The following CNTNAP5 variants were observed in gnomAD, a reference collection of about 807,000 sequenced individuals.
CNTNAP5 encodes the protein contactin associated protein family member 5.
A neutral mutation model predicts 150.2 loss-of-function variants in CNTNAP5; 72 were observed. The ratio of observed to expected loss-of-function variants is 0.48; its 90% CI spans 0.40 to 0.58. CNTNAP5 has a LOEUF of 0.58. Ranked by LOEUF, CNTNAP5 falls within the 20% of genes least tolerant of loss-of-function variation. The pLI, the probability that CNTNAP5 is intolerant of heterozygous loss-of-function variation, is 0.00. For synonymous variants in CNTNAP5, 672 were observed against 619.8 expected, an observed-to-expected ratio of 1.08 and a Z score of -1.25; for missense variants, 1,636 against 1,626.2, an observed-to-expected ratio of 1.01 and a Z score of -0.10.
chr2:124,647,998 G>C (rs1326952268), intron 13 of CNTNAP5, 40 bp downstream of exon 13: 2 of 1,536,464 alleles, frequency 1.3e-6, no homozygotes, highest in East Asian at 2.4e-5. Context: ...GGATAGATGG[G>C]ACCCTCAGAC....
chr2:124,702,144 C>A (rs1024830377), intron 13 of CNTNAP5, among the ~76,000 whole-genome samples: 1 of 151,834 alleles, frequency 6.6e-6, no homozygotes, highest in African/African-American at 2.4e-5. Flanking sequence ...CCTACCAAGG[C>A]TTTGATCCAT....
intron 17 of CNTNAP5, among the ~76,000 whole-genome samples, chr2:124,777,163 TGAA>T (rs1681342784): frequency 6.7e-6 from 1 of 149,952 alleles, no homozygotes; most frequent in Non-Finnish European, 1.5e-5. Context: ...AAAAAAAAGA[TGAA>T]GAACACCTGG....
chr2:124,843,684 G>T (rs549228241), intron 19 of CNTNAP5, among the ~76,000 whole-genome samples: 1 of 151,936 alleles, frequency 6.6e-6, no homozygotes, highest in Admixed American at 6.6e-5. Flanking sequence ...ATTTTTTGAT[G>T]TTTTGATTAT....
intron 3 of CNTNAP5, among the ~76,000 whole-genome samples, chr2:124,398,355 C>A (rs1216908747): frequency 6.6e-6 from 1 of 152,062 alleles, no homozygotes; most frequent in African/African-American, 2.4e-5. Flanking sequence ...GGAATTAGTT[C>A]CCTGTTGCCT....
chr2:124,034,469 A>G (rs1432409515), intron 1 of CNTNAP5, among the ~76,000 whole-genome samples: 1 of 152,212 alleles, frequency 6.6e-6, no homozygotes, highest in African/African-American at 2.4e-5. Context: ...ATGTAAACAG[A>G]CAATGAGTAG....
At chr2:124,235,707 C>G (rs941533837) in intron 2 of CNTNAP5, among the ~76,000 whole-genome samples, 1 of 152,286 alleles carries the variant, frequency 6.6e-6, no homozygotes, top group Non-Finnish European at 1.5e-5. Flanking sequence ...GAAAGCCAAA[C>G]TAAGTCATAC....
intron 19 of CNTNAP5, among the ~76,000 whole-genome samples, chr2:124,808,454 G>A (rs1682128818): frequency 6.6e-6 from 1 of 151,934 alleles, no homozygotes; most frequent in Non-Finnish European, 1.5e-5. Flanking sequence ...CGGGCGTGAT[G>A]GTGCATGCCT....
chr2:124,568,024 T>C (rs147040415), intron 11 of CNTNAP5, among the ~76,000 whole-genome samples: 73 of 152,338 alleles, frequency 4.8e-4, no homozygotes, highest in South Asian at 1.7e-3. Context: ...TGGTAGAAGT[T>C]GGGCTTTAAG....
At chr2:124,624,258 G>A (rs1258001657) in intron 12 of CNTNAP5, among the ~76,000 whole-genome samples, 1 of 152,188 alleles carries the variant, frequency 6.6e-6, no homozygotes, top group Non-Finnish European at 1.5e-5. Context: ...ATTTTAACAG[G>A]CACTTAGAGA....
intron 1 of CNTNAP5, among the ~76,000 whole-genome samples, chr2:124,162,725 T>G (rs1684715087): frequency 6.6e-6 from 1 of 152,206 alleles, no homozygotes; most frequent in Non-Finnish European, 1.5e-5. Context: ...ACACTAATTT[T>G]TGTCTTTTTG....
At chr2:124,650,472 C>T (rs1678298344) in intron 13 of CNTNAP5, among the ~76,000 whole-genome samples, 1 of 152,190 alleles carries the variant, frequency 6.6e-6, no homozygotes, top group Non-Finnish European at 1.5e-5. Flanking sequence ...ATTCAACAGC[C>T]AGCATCCAGG....
intron 3 of CNTNAP5, among the ~76,000 whole-genome samples, chr2:124,261,713 A>G (rs548736883): frequency 6.4e-4 from 97 of 152,204 alleles, no homozygotes; most frequent in Non-Finnish European, 1.0e-3. Flanking sequence ...GCAAGTTACT[A>G]TTTCTGCAGT....
In CNTNAP5 at chr2:124,025,541, G is replaced by A. The variant is rs1366617789; in HGVS notation, c.-110G>A. ...TGAAAGAGCGAGTGCCTCTCCAAGC[G>A]GGGGTGGGAGGGGGTCAGGCTGTGC... On this transcript the variant is annotated 5_prime_UTR_variant, in exon 1 of 24. Coordinates refer to ENST00000682447, the MANE Select transcript of CNTNAP5 (RefSeq NM_001367498.1). 1 of 869,856 alleles carries A rather than the reference G, an allele frequency of 1.1e-6. No individual in the cohort carries two copies. Among genetic ancestry groups the A allele is most frequent in the Non-Finnish European group, 1.9e-6 (1 of 523,142 alleles). The allele number at this position is 869,856 out of a possible 1,614,324, so 53.9% of individuals were successfully genotyped here.
chr2:124,221,373 G>A (rs1268047094), intron 1 of CNTNAP5, among the ~76,000 whole-genome samples: 1 of 152,096 alleles, frequency 6.6e-6, no homozygotes, highest in East Asian at 1.9e-4. Flanking sequence ...TTGCTCAAGT[G>A]GCTTATTGAA....
At chr2:124,055,931 T>C (rs923768047) in intron 1 of CNTNAP5, among the ~76,000 whole-genome samples, 3 of 151,740 alleles carry the variant, frequency 2.0e-5, no homozygotes, top group Admixed American at 2.0e-4. Context: ...TCCACTGCCA[T>C]GGCTCTGATT....
intron 12 of CNTNAP5, among the ~76,000 whole-genome samples, chr2:124,622,572 T>C (rs1205271142): frequency 6.6e-6 from 1 of 152,054 alleles, no homozygotes; most frequent in Admixed American, 6.5e-5. Context: ...GGCGAACTAA[T>C]TTATACTCCC....
At chr2:124,113,459 T>G (rs1223967702) in intron 1 of CNTNAP5, among the ~76,000 whole-genome samples, 5 of 151,980 alleles carry the variant, frequency 3.3e-5, no homozygotes, top group Admixed American at 2.0e-4. Flanking sequence ...CACTTTTTTC[T>G]ATTTGAATGT....
At chr2:124,657,327 T>C (rs1678480405) in intron 13 of CNTNAP5, among the ~76,000 whole-genome samples, 1 of 152,178 alleles carries the variant, frequency 6.6e-6, no homozygotes, top group Non-Finnish European at 1.5e-5. Flanking sequence ...CTGCTTATCT[T>C]TCTCATTTCA....
chr2:124,341,237 A>T (rs760936405), intron 3 of CNTNAP5, among the ~76,000 whole-genome samples: 2 of 152,150 alleles, frequency 1.3e-5, no homozygotes, highest in Non-Finnish European at 2.9e-5. Flanking sequence ...CCAGTCAGAC[A>T]GGGGAGCTTA....
Sources: gnomAD v4.1 joint callset for allele counts (sites outside exome capture counted in the v4.1 genomes callset) on GRCh38, gnomAD v4.1.1 for gene constraint, MANE v1.5 for transcripts, NCBI Gene and HGNC (gene_info 2026-07-23, HGNC 2026-07-21) for gene names.